The following PDE3A variants were observed in gnomAD, a reference collection of about 807,000 sequenced individuals.
The protein encoded by PDE3A is cGMP-inhibited 3',5'-cyclic phosphodiesterase 3A.
Under a neutral mutation model 98.3 loss-of-function variants are expected in PDE3A, and 43 were observed. The observed-to-expected ratio is 0.44, with a 90% CI of 0.34 to 0.56. PDE3A has a LOEUF of 0.56. Ranked by LOEUF, PDE3A falls within the 20% of genes least tolerant of loss-of-function variation. The probability of loss-of-function intolerance (pLI) is 0.01; values close to 1 mark genes in which losing one functional copy is unlikely to be tolerated. For missense variants in PDE3A, 1,427 were observed against 1,440.7 expected, an observed-to-expected ratio of 0.99 and a Z score of 0.15; for synonymous variants, 663 against 567.9, an observed-to-expected ratio of 1.17 and a Z score of -2.38.
intron 1 of PDE3A, among the ~76,000 whole-genome samples, chr12:20,555,487 C>T (rs543268859): frequency 6.6e-6 from 1 of 152,306 alleles, no homozygotes; most frequent in African/African-American, 2.4e-5. Context: ...TAGCAAACTT[C>T]AGCACACTGT....
intron 15 of PDE3A, among the ~76,000 whole-genome samples, chr12:20,669,990 A>G (rs1592168694): frequency 6.6e-6 from 1 of 151,564 alleles, no homozygotes; most frequent in South Asian, 2.1e-4. Context: ...TCAAAATAAA[A>G]GGATGGAGGC....
chr12:20,630,705 G>T (rs1277719941), intron 6 of PDE3A, among the ~76,000 whole-genome samples: 1 of 152,114 alleles, frequency 6.6e-6, no homozygotes, highest in African/African-American at 2.4e-5. Flanking sequence ...AAATGGCCTA[G>T]CATGGCTGGA....
intron 1 of PDE3A, among the ~76,000 whole-genome samples, chr12:20,388,425 C>T (rs779258510): frequency 3.3e-5 from 5 of 151,892 alleles, no homozygotes; most frequent in Non-Finnish European, 5.9e-5. Context: ...ACATATATAC[C>T]GAAACATGTT....
intron 1 of PDE3A, among the ~76,000 whole-genome samples, chr12:20,519,665 C>T (rs922458839): frequency 1.3e-5 from 2 of 152,146 alleles, no homozygotes; most frequent in Admixed American, 6.6e-5. Context: ...ATATGTGCTG[C>T]ATCATAAAGT....
Position 20,610,397 on chromosome 12 carries a change from C to A in PDE3A, c.1012-3046C>A, listed in dbSNP as rs566353211. Among the ~76,000 whole-genome samples, 5 of 151,958 alleles carry A rather than the reference C, an allele frequency of 3.3e-5. No homozygotes were observed. In the South Asian group the frequency reaches 8.3e-4, roughly 25 times the overall value. ...CTATTATTAAAAAGACAAGATATAA[C>A]AAATGTTGGCAAGGGTGTAGAGAAA... On this transcript the variant is annotated intron_variant, in intron 2 of 15. Transcript: ENST00000359062.
intron 1 of PDE3A, among the ~76,000 whole-genome samples, chr12:20,467,307 T>C (rs2120950667): frequency 3.6e-5 from 2 of 55,288 alleles, no homozygotes; most frequent in Admixed American, 1.9e-4. Flanking sequence ...ATGATGATGC[T>C]TTTTTTTTGT....
chr12:20,607,322 A>G (rs890138346), intron 2 of PDE3A, among the ~76,000 whole-genome samples: 1 of 151,852 alleles, frequency 6.6e-6, no homozygotes, highest in African/African-American at 2.4e-5. Context: ...CTCTAGTATC[A>G]GCTGCTAGGG....
At chr12:20,560,779 G>A (rs900074888) in intron 2 of PDE3A, among the ~76,000 whole-genome samples, 1 of 152,076 alleles carries the variant, frequency 6.6e-6, no homozygotes, top group African/African-American at 2.4e-5. Flanking sequence ...GAAATGGTGC[G>A]GTTCAGGGAA....
At chr12:20,469,394 C>T (rs1255015045) in intron 1 of PDE3A, among the ~76,000 whole-genome samples, 2 of 152,244 alleles carry the variant, frequency 1.3e-5, no homozygotes, top group South Asian at 2.1e-4. Flanking sequence ...TCCCTATGCT[C>T]GCAGTCGTAG....
At chr12:20,604,548 G>A (rs1943667974) in intron 2 of PDE3A, among the ~76,000 whole-genome samples, 1 of 152,112 alleles carries the variant, frequency 6.6e-6, no homozygotes, top group Admixed American at 6.5e-5. Flanking sequence ...TTCCAGGAAT[G>A]TTAATGAATA....
chr12:20,495,368 C>T lies in PDE3A; in HGVS notation c.961-61292C>T, dbSNP rs917894568. On this transcript the variant is annotated intron_variant, in intron 1 of 15. Coordinates refer to ENST00000359062, the MANE Select transcript of PDE3A (RefSeq NM_000921.5). ...TTTCTTTAATTTGTGACCACAAGCT[C>T]AGTGTTTTGAAAGGTAGAATCATAC... Among the ~76,000 whole-genome samples the T allele has an allele frequency of 2.7e-4, 41 of 152,006 alleles. 1 individual carries two copies. Among genetic ancestry groups the T allele is most frequent in the Admixed American group, 9.2e-4 (14 of 15,242 alleles).
chr12:20,541,471 A>G (rs573893699), intron 1 of PDE3A, among the ~76,000 whole-genome samples: 14 of 152,038 alleles, frequency 9.2e-5, no homozygotes, highest in Non-Finnish European at 1.6e-4. Context: ...AAATAGAAAA[A>G]AAGAATGAGC....
chr12:20,434,985 AC>A (rs1205063329), intron 1 of PDE3A, among the ~76,000 whole-genome samples: 1 of 152,200 alleles, frequency 6.6e-6, no homozygotes, highest in East Asian at 1.9e-4. Context: ...ATTGAAAGAC[AC>A]TTTAGCATTT....
chr12:20,567,820 G>A (rs1942698948), intron 2 of PDE3A, among the ~76,000 whole-genome samples: 2 of 151,682 alleles, frequency 1.3e-5, no homozygotes, highest in South Asian at 2.1e-4. Context: ...ACTGAACTTG[G>A]CATTACTATT....
chr12:20,550,484 G>A (rs2121249512), intron 1 of PDE3A, among the ~76,000 whole-genome samples: 1 of 152,162 alleles, frequency 6.6e-6, no homozygotes, highest in South Asian at 2.1e-4. Context: ...TATTTCATTA[G>A]TTAATTATTG....
chr12:20,663,974 G>A (rs1380301174), intron 15 of PDE3A, among the ~76,000 whole-genome samples: 1 of 152,114 alleles, frequency 6.6e-6, no homozygotes, highest in African/African-American at 2.4e-5. Context: ...GACCCAGTGG[G>A]AGGTAATTGA....
chr12:20,668,273 G>C (rs912510556), intron 15 of PDE3A, among the ~76,000 whole-genome samples: 10 of 147,598 alleles, frequency 6.8e-5, no homozygotes, highest in Admixed American at 2.7e-4. Flanking sequence ...GGCTGGGGGA[G>C]GGGCGCCCGC....
At chr12:20,419,068 G>A (rs1356156727) in intron 1 of PDE3A, among the ~76,000 whole-genome samples, 1 of 152,064 alleles carries the variant, frequency 6.6e-6, no homozygotes, top group African/African-American at 2.4e-5. Context: ...TGTATATGGG[G>A]TTATAGATTA....
intron 1 of PDE3A, among the ~76,000 whole-genome samples, chr12:20,540,393 C>T (rs1648099813): frequency 6.6e-6 from 1 of 152,062 alleles, no homozygotes; most frequent in South Asian, 2.1e-4. Context: ...TCCAGTTTAG[C>T]TATGCCCTTG....
Sources: gnomAD v4.1 joint callset for allele counts (sites outside exome capture counted in the v4.1 genomes callset) on GRCh38, gnomAD v4.1.1 for gene constraint, MANE v1.5 for transcripts, NCBI Gene and HGNC (gene_info 2026-07-23, HGNC 2026-07-21) for gene names.